Variants in CPNE4 observed in about 807,000 individuals in gnomAD.
The protein encoded by CPNE4 is copine 4, also known as copine-4.
CPNE4 carries 25 observed loss-of-function variants against 67.9 expected under a neutral mutation model. The ratio of observed to expected loss-of-function variants is 0.37; its 90% CI spans 0.27 to 0.51. CPNE4 has a LOEUF of 0.51. Ranked by LOEUF, CPNE4 falls within the 20% of genes least tolerant of loss-of-function variation. The probability of loss-of-function intolerance (pLI) is 0.93; values close to 1 mark genes in which losing one functional copy is unlikely to be tolerated. For missense variants in CPNE4, 464 were observed against 690.8 expected (o/e 0.67, Z 3.68); for synonymous variants, 242 against 244.9 (o/e 0.99, Z 0.11).
In CPNE4 at chr3:131,780,994, G is replaced by A. The variant is rs182317629; in HGVS notation, c.181-57369C>T. Among the ~76,000 whole-genome samples, 19 of 152,118 alleles carry A rather than the reference G, an allele frequency of 1.2e-4. 1 individual carries two copies. Among genetic ancestry groups the A allele is most frequent in the African/African-American group, 4.3e-4 (18 of 41,516 alleles). ...CAGTGAAGGTCTGGAAGTAGAGGTGGTCATGAACCTTGGCCATGGTGAAAA... is the reference window on the plus strand; with the variant it reads ...CAGTGAAGGTCTGGAAGTAGAGGTGATCATGAACCTTGGCCATGGTGAAAA... On this transcript the variant is annotated intron_variant, in intron 2 of 15. Transcript: ENST00000429747.
chr3:131,792,696 C>CACGTGTGTATATATGTATAT lies in CPNE4; in HGVS notation c.181-69072_181-69071insATATACATATATACACACGT. ...ACATATATACACACGTGTATATATA[C>CACGTGTGTATATATGTATAT]ATATACACACACGTGTATATATGTA... is the stretch of plus-strand genomic sequence containing the variant. On this transcript the variant is annotated intron_variant, in intron 2 of 15. Transcript: ENST00000429747. 6.9e-3 allele frequency among the ~76,000 whole-genome samples: 309 copies of CACGTGTGTATATATGTATAT among 44,496 alleles called. 27 individuals carry two copies. Among genetic ancestry groups the CACGTGTGTATATATGTATAT allele is most frequent in the African/African-American group, 0.025 (296 of 11,824 alleles). The allele number at this position is 44,496 out of a possible 152,430, so 29.2% of individuals were successfully genotyped here. A position where few individuals can be genotyped will look rare whatever the true frequency, so the allele number is the denominator to read the frequency against.
intron 2 of CPNE4, among the ~76,000 whole-genome samples, chr3:131,796,103 A>T (rs575035832): frequency 6.6e-6 from 1 of 152,152 alleles, no homozygotes; most frequent in Non-Finnish European, 1.5e-5. Flanking sequence ...CTCAGCACCA[A>T]ATAAGGTTCC....
At chr3:131,693,163 G>A (rs1018694391) in intron 5 of CPNE4, among the ~76,000 whole-genome samples, 7 of 152,130 alleles carry the variant, frequency 4.6e-5, no homozygotes, top group African/African-American at 1.7e-4. Context: ...AAAGAATGGT[G>A]CATTTCTCTG....
At chr3:131,627,056 G>A (rs984450957) in intron 7 of CPNE4, among the ~76,000 whole-genome samples, 32 of 151,880 alleles carry the variant, frequency 2.1e-4, no homozygotes, top group Non-Finnish European at 4.0e-4. Flanking sequence ...AGCCAGGTGC[G>A]GTGGTGGGCG....
At chr3:131,559,693 A>G (rs978416497) in intron 11 of CPNE4, among the ~76,000 whole-genome samples, 1 of 152,044 alleles carries the variant, frequency 6.6e-6, no homozygotes, top group African/African-American at 2.4e-5. Flanking sequence ...AAGATACATT[A>G]GGATAAAATT....
chr3:131,880,891 C>T (rs1291462689), intron 2 of CPNE4, among the ~76,000 whole-genome samples: 2 of 152,162 alleles, frequency 1.3e-5, no homozygotes, highest in Non-Finnish European at 2.9e-5. Flanking sequence ...CAAGTTGGCC[C>T]ATTGTTAGGA....
At chr3:131,565,965 G>A (rs1937036253) in intron 10 of CPNE4, among the ~76,000 whole-genome samples, 1 of 151,936 alleles carries the variant, frequency 6.6e-6, no homozygotes, top group Admixed American at 6.6e-5. Context: ...CAGAGGGCAT[G>A]ATATTACTTC....
At chr3:131,761,697 T>C (rs953462729) in intron 2 of CPNE4, among the ~76,000 whole-genome samples, 4 of 152,110 alleles carry the variant, frequency 2.6e-5, no homozygotes, top group African/African-American at 9.7e-5. Flanking sequence ...GCTATTGCTG[T>C]TTCTCAGTTC....
intron 2 of CPNE4, among the ~76,000 whole-genome samples, chr3:131,734,117 C>A (rs1308033839): frequency 2.0e-5 from 3 of 152,202 alleles, no homozygotes; most frequent in African/African-American, 4.8e-5. Context: ...TTAGTCAATT[C>A]CCAATTGACC....
Position 131,564,319 on chromosome 3 carries a change from C to A in CPNE4, c.958G>T (p.Asp320Tyr). The A allele has an allele frequency of 6.2e-7, 1 of 1,612,314 alleles. No homozygotes were observed. Among genetic ancestry groups the A allele is most frequent in the Non-Finnish European group, 8.5e-7 (1 of 1,179,100 alleles). The change falls in exon 11 of 16, where the codon GAC becomes TAC. Residue 320 changes from aspartate to tyrosine, a missense_variant. Around this residue, in one of 6 missense-constraint regions of CPNE4, gnomAD observed 201 missense variants for 357.7 expected, o/e 0.56. Transcript: ENST00000429747. Reference protein sequence around the residue: ...VAIDFTASNGDPRNSCSLHYI... With the variant: ...VAIDFTASNGYPRNSCSLHYI... ...TGCAAGGAACAGCTGTTCCTGGGGT[C>A]CCCGTTTGAGGCAGTGAAATCTATA...
At chr3:131,792,695 ACATATACACACACG>A (rs1441623038) in intron 2 of CPNE4, among the ~76,000 whole-genome samples, 13 of 55,444 alleles carry the variant, frequency 2.3e-4, no homozygotes, top group African/African-American at 9.7e-4. Flanking sequence ...GTGTATATAT[ACATATACACACACG>A]TGTATATATG....
In CPNE4 at chr3:131,723,460, A is replaced by G; in HGVS notation, c.346T>C (p.Cys116Arg). 1 of 1,612,718 alleles carries G rather than the reference A, an allele frequency of 6.2e-7. No individual in the cohort carries two copies. The highest frequency in any genetic ancestry group is 8.5e-7 in the Non-Finnish European group (1 of 1,179,930). Residue 116 changes from cysteine (C) to arginine (R), a missense_variant, in exon 3 of 16, where the codon TGC becomes CGC. Cys to Arg is a radical substitution (Grantham distance 180). This residue lies in a region of CPNE4 where 170 missense variants were observed against 203.3 expected (regional missense o/e 0.84). Transcript: ENST00000429747. ...KEADFLGGME[C>R]TLGQIVSQRK... ...TGTTGACCCACCTGGCCAAGTGTGC[A>G]CTCCATGCCACCAAGGAAGTCGGCC...
At chr3:131,767,790 ATT>A (rs2083061220) in intron 2 of CPNE4, among the ~76,000 whole-genome samples, 1 of 151,684 alleles carries the variant, frequency 6.6e-6, no homozygotes, top group African/African-American at 2.4e-5. Flanking sequence ...TTATTTATTT[ATT>A]TATTTATTTA....
rs535138733 is a variant in CPNE4 at position 131,833,599 on chromosome 3, T to G, written c.180+71665A>C. Reference sequence around the variant, plus strand: ...TAGTTCCAGCTACTGGTCAGGGGGCTGAGGCAGGAGAATCACCTGAGCCCA... The same window carrying G: ...TAGTTCCAGCTACTGGTCAGGGGGCGGAGGCAGGAGAATCACCTGAGCCCA... On this transcript the variant is annotated intron_variant, in intron 2 of 15. Transcript: ENST00000429747. Among the ~76,000 whole-genome samples, 10 of 152,278 alleles carry G rather than the reference T, an allele frequency of 6.6e-5. No homozygotes were observed. In the South Asian group the frequency reaches 1.5e-3, roughly 22 times the overall value.
At chr3:131,680,403 A>G (rs1583011455) in intron 6 of CPNE4, among the ~76,000 whole-genome samples, 1 of 152,076 alleles carries the variant, frequency 6.6e-6, no homozygotes, top group African/African-American at 2.4e-5. Flanking sequence ...CTCAACACTG[A>G]TTACATAAAG....
intron 2 of CPNE4, among the ~76,000 whole-genome samples, chr3:131,752,860 A>T (rs2082664427): frequency 1.3e-5 from 2 of 152,166 alleles, no homozygotes; most frequent in Non-Finnish European, 2.9e-5. Context: ...CAATTGTAAT[A>T]AGAATCTCAA....
chr3:131,833,570 C>T (rs567723676), intron 2 of CPNE4, among the ~76,000 whole-genome samples: 1 of 152,214 alleles, frequency 6.6e-6, no homozygotes, highest in East Asian at 1.9e-4. Flanking sequence ...GTGGCATGTG[C>T]CTGTAGTTCC....
intron 6 of CPNE4, among the ~76,000 whole-genome samples, chr3:131,674,578 AT>A (rs1420579676): frequency 2.0e-5 from 3 of 151,800 alleles, no homozygotes; most frequent in African/African-American, 7.3e-5. Flanking sequence ...GAGTTTATCC[AT>A]TTCTTCCAGG....
intron 2 of CPNE4, among the ~76,000 whole-genome samples, chr3:131,833,675 G>A (rs537683931): frequency 1.3e-5 from 2 of 152,296 alleles, no homozygotes; most frequent in South Asian, 4.1e-4. Context: ...CTCAACTCTG[G>A]GTGATGGAGC....
Sources: allele counts gnomAD v4.1 joint callset (sites outside exome capture counted in the v4.1 genomes callset), GRCh38; gene constraint gnomAD v4.1.1; regional missense constraint gnomAD v4.1.1; transcripts MANE v1.5; gene names NCBI Gene and HGNC (gene_info 2026-07-23, HGNC 2026-07-21).